VCAN: variants seen among roughly 807,000 people sequenced by gnomAD.
The protein encoded by VCAN is versican.
A neutral mutation model predicts 245.5 loss-of-function variants in VCAN; 44 were observed. The observed-to-expected ratio is 0.18, with a 90% CI of 0.14 to 0.23. VCAN has a LOEUF of 0.23. Among genes scored for constraint, VCAN ranks in the 10% least tolerant of loss-of-function variants. VCAN has a pLI of 1.00. For synonymous variants in VCAN, 1,413 were observed against 1,437.0 expected (o/e 0.98, Z 0.38); for missense variants, 3,793 against 4,057.9 (o/e 0.93, Z 1.77).
chr5:83,480,313 G>A (rs961620818), intron 1 of VCAN, among the ~76,000 whole-genome samples: 10 of 152,086 alleles, frequency 6.6e-5, no homozygotes, highest in African/African-American at 2.2e-4. Context: ...GATTGAGTGT[G>A]GCACAAAGAG....
At chr5:83,504,791 C>T (rs543370754) in intron 5 of VCAN, among the ~76,000 whole-genome samples, 2 of 152,170 alleles carry the variant, frequency 1.3e-5, no homozygotes, top group East Asian at 3.9e-4. Flanking sequence ...TGTATTAGTC[C>T]ATTTTCATGC....
At position 83,581,317 on chromosome 5, in the gene VCAN, C is replaced by CAAAAAAAAAAAA. The variant is rs70975508; in HGVS notation, c.*897_*908dup. On this transcript the variant is annotated 3_prime_UTR_variant, in exon 15 of 15. Coordinates refer to ENST00000265077, the MANE Select transcript of VCAN (RefSeq NM_004385.5). ...GGGTGGGGGATTGTTAAAACACATGCAAAAAAAAAAAAAAAAAAAAAAAAA... is the reference window on the plus strand; with the variant it reads ...GGGTGGGGGATTGTTAAAACACATGCAAAAAAAAAAAAAAAAAAAAAAAAAAAAAAAAAAAAA... 8.6e-6 allele frequency: 1 copy of CAAAAAAAAAAAA among 116,884 alleles called. No homozygotes were observed. The highest frequency in any genetic ancestry group is 1.7e-5 in the Non-Finnish European group (1 of 57,292). The allele number at this position is 116,884 out of a possible 1,614,324, so 7.2% of individuals were successfully genotyped here. A position where few individuals can be genotyped will look rare whatever the true frequency, so the allele number is the denominator to read the frequency against.
chr5:83,576,396 T>C (rs1748480774), intron 13 of VCAN, among the ~76,000 whole-genome samples: 1 of 152,184 alleles, frequency 6.6e-6, no homozygotes, highest in Non-Finnish European at 1.5e-5. Flanking sequence ...ATGCATGTAA[T>C]GGCATGTTCT....
chr5:83,476,017 A>G (rs941977064), intron 1 of VCAN, among the ~76,000 whole-genome samples: 1 of 152,220 alleles, frequency 6.6e-6, no homozygotes, highest in Non-Finnish European at 1.5e-5. Context: ...TGCCTTTGAT[A>G]TTCCAGAATA....
At chr5:83,516,254 A>G (rs1745853547) in intron 6 of VCAN, among the ~76,000 whole-genome samples, 2 of 152,140 alleles carry the variant, frequency 1.3e-5, no homozygotes, top group South Asian at 4.1e-4. Flanking sequence ...ACTGCACTCC[A>G]GCCTGGACTA....
In VCAN at chr5:83,521,087, A is replaced by C. The variant is rs776672110; in HGVS notation, c.2781A>C (p.Glu927Asp). 4.3e-6 allele frequency: 7 copies of C among 1,614,054 alleles called. No individual in the cohort carries two copies. The African/African-American group carries it at 8.0e-5, about 18-fold the overall frequency. Reference sequence around the variant, plus strand: ...CCATGGAAGGAAGTGCTTTGGGTGAAGTAGAAGATGTGGACCTCTCTAAGC... The same window carrying C: ...CCATGGAAGGAAGTGCTTTGGGTGACGTAGAAGATGTGGACCTCTCTAAGC... ...YATMEGSALG[E>D]VEDVDLSKPV... Residue 927 changes from glutamate to aspartate, a missense_variant, in exon 7 of 15, where the codon GAA becomes GAC. Coordinates refer to ENST00000265077, the MANE Select transcript of VCAN (RefSeq NM_004385.5).
In VCAN at chr5:83,539,779, G is replaced by A. The variant is rs1746891047; in HGVS notation, c.6776G>A (p.Gly2259Glu). ...TELLFSGLGS[G>E]EEVLPTLPTE... is the part of the protein sequence containing the mutation. ...CTCTTATTCTCTGGACTGGGATCAG[G>A]AGAAGAAGTTTTACCTACTCTACCA... Residue 2259 changes from glycine to glutamate, a missense_variant, in exon 8 of 15, where the codon GGA (glycine) becomes GAA (glutamate). Around this residue, in one of 5 missense-constraint regions of VCAN, gnomAD observed 3,182 missense variants for 3,250.3 expected, o/e 0.98. Coordinates refer to ENST00000265077, the MANE Select transcript of VCAN (RefSeq NM_004385.5). 1.2e-6 allele frequency: 2 copies of A among 1,613,862 alleles called. No homozygotes were observed. The highest frequency in any genetic ancestry group is 2.2e-5 in the South Asian group (2 of 91,088).
chr5:83,478,500 G>T (rs991631219), intron 1 of VCAN, among the ~76,000 whole-genome samples: 2 of 152,174 alleles, frequency 1.3e-5, no homozygotes, highest in Non-Finnish European at 2.9e-5. Flanking sequence ...GGACAAGGAT[G>T]TTCTTTGCAG....
In VCAN at chr5:83,536,959, A is replaced by G. The variant is rs1746735083; in HGVS notation, c.4004-48A>G. ...TTGCTATCAATTTCTTCTGTCATAC[A>G]CTGCCAAATTTTCTATTTAAGTATT... On this transcript the variant is annotated intron_variant, in intron 7 of 14. Transcript: ENST00000265077. 6.6e-6 allele frequency: 10 copies of G among 1,518,740 alleles called. No homozygotes were observed. The East Asian group carries it at 9.1e-5, about 14-fold the overall frequency. 94.1% of individuals were successfully genotyped at this position (1,518,740 alleles called of 1,614,324 possible).
intron 7 of VCAN, among the ~76,000 whole-genome samples, chr5:83,530,370 G>A (rs1303844142): frequency 1.3e-5 from 2 of 152,098 alleles, no homozygotes; most frequent in Non-Finnish European, 2.9e-5. Context: ...TCTCTACACA[G>A]GGATTACATT....
chr5:83,499,671 T>C (rs1745270816), intron 5 of VCAN, among the ~76,000 whole-genome samples: 1 of 152,196 alleles, frequency 6.6e-6, no homozygotes, highest in African/African-American at 2.4e-5. Flanking sequence ...TTCTGGCCTC[T>C]CATGGTAAAT....
chr5:83,505,928 C>T (rs1387143909), intron 5 of VCAN, among the ~76,000 whole-genome samples: 1 of 152,244 alleles, frequency 6.6e-6, no homozygotes, highest in Non-Finnish European at 1.5e-5. Context: ...TTTGGGGCTT[C>T]CACCCTCTGA....
At chr5:83,577,852 C>G (rs1050118273) in intron 13 of VCAN, among the ~76,000 whole-genome samples, 4 of 152,064 alleles carry the variant, frequency 2.6e-5, no homozygotes, top group Non-Finnish European at 5.9e-5. Flanking sequence ...AAATCTCTTT[C>G]TGGTCTATTT....
At chr5:83,548,211 C>T (rs1747310368) in intron 10 of VCAN, 127 bp downstream of exon 10, 4 of 745,872 alleles carry the variant, frequency 5.4e-6, no homozygotes, top group East Asian at 2.7e-5. Flanking sequence ...TCAGGGATAG[C>T]TCAAAACATC....
Position 83,519,450 on chromosome 5 carries a change from A to G in VCAN, c.1144A>G (p.Ile382Val), listed in dbSNP as rs1320621417. The G allele has an allele frequency of 2.5e-6, 4 of 1,614,170 alleles. No homozygotes were observed. The highest frequency in any genetic ancestry group is 2.2e-5 in the East Asian group (1 of 44,886). The change falls in exon 7 of 15, where the codon ATC becomes GTC. Residue 382 changes from isoleucine to valine, a missense_variant. By Grantham distance (29) the Ile-to-Val change is conservative (BLOSUM62 3). Transcript: ENST00000265077. ...QMVSDRTTPI[I>V]PLVDELPVIP... The stretch of plus-strand genomic sequence containing the variant: ...GGTTTCTGATAGAACTACACCAATC[A>G]TCCCTTTAGTTGATGAATTACCTGT...
intron 6 of VCAN, among the ~76,000 whole-genome samples, chr5:83,515,751 A>T (rs3852184): frequency 1.3e-5 from 2 of 152,184 alleles, no homozygotes; most frequent in Non-Finnish European, 2.9e-5. Context: ...TTATATACTC[A>T]TTCACTGTTA....
chr5:83,491,877 A>G (rs1367713504), intron 3 of VCAN, among the ~76,000 whole-genome samples: 1 of 152,218 alleles, frequency 6.6e-6, no homozygotes, highest in African/African-American at 2.4e-5. Context: ...TGAAGCTTTG[A>G]TCAACATTAA....
intron 5 of VCAN, among the ~76,000 whole-genome samples, chr5:83,495,438 G>T (rs149583408): frequency 2.4e-3 from 360 of 152,290 alleles, no homozygotes; most frequent in African/African-American, 8.3e-3. Context: ...CAAAAGTGCA[G>T]ATGTGAGCAA....
intron 13 of VCAN, among the ~76,000 whole-genome samples, chr5:83,574,054 T>TCC (rs1329442843): frequency 5.9e-5 from 9 of 152,184 alleles, no homozygotes; most frequent in African/African-American, 2.2e-4. Flanking sequence ...CTCTGGTGTG[T>TCC]AAGTCCTGGA....
Sources: gnomAD v4.1 joint callset for allele counts (sites outside exome capture counted in the v4.1 genomes callset) on GRCh38, gnomAD v4.1.1 for gene constraint, gnomAD v4.1.1 regional missense constraint, MANE v1.5 for transcripts, NCBI Gene and HGNC (gene_info 2026-07-23, HGNC 2026-07-21) for gene names.